The following NXPE2 variants were observed in gnomAD, a reference collection of about 807,000 sequenced individuals.
The protein encoded by NXPE2 is NXPE family member 2.
In NXPE2, 34 loss-of-function variants were observed where a neutral mutation model predicts 34.4. The observed-to-expected ratio is 0.99, with a 90% CI of 0.75 to 1.31. The LOEUF is 1.31. Among genes scored for constraint, NXPE2 ranks in the 40% most tolerant of loss-of-function variants. NXPE2 has a pLI of 0.00. For synonymous variants in NXPE2, 235 were observed against 231.3 expected, an observed-to-expected ratio of 1.02 and a Z score of -0.15; for missense variants, 649 against 672.5, an observed-to-expected ratio of 0.97 and a Z score of 0.39.
chr11:114,725,976 A>AAT, the NXPE2 span, among the ~76,000 whole-genome samples: 19 of 101,756 alleles, frequency 1.9e-4, 1 homozygote, highest in South Asian at 2.3e-3. Context: ...ATAAAAAAAA[A>AAT]ATATATATAT....
the NXPE2 span, among the ~76,000 whole-genome samples, chr11:114,516,021 T>A: frequency 1.3e-5 from 2 of 152,196 alleles, no homozygotes; most frequent in Non-Finnish European, 2.9e-5. Context: ...TATGTTCCTT[T>A]TACAGATTAG....
At chr11:114,700,600 G>A (rs1397360136) in intron 3 of NXPE2, among the ~76,000 whole-genome samples, 1 of 152,050 alleles carries the variant, frequency 6.6e-6, no homozygotes, top group African/African-American at 2.4e-5. Flanking sequence ...AGTCATTCAG[G>A]GCCAGTATTT....
the NXPE2 span, among the ~76,000 whole-genome samples, chr11:114,511,250 G>A: frequency 0.047 from 7,115 of 152,246 alleles, 567 homozygotes; most frequent in African/African-American, 0.16. Flanking sequence ...AAGTCACTGG[G>A]TGGGGCTTCC....
chr11:114,698,376 A>G lies in NXPE2; in HGVS notation c.464A>G (p.Tyr155Cys), dbSNP rs1340206242. 3 of 1,613,906 alleles carry G rather than the reference A, an allele frequency of 1.9e-6. No individual in the cohort carries two copies. The highest frequency in any genetic ancestry group is 2.2e-5 in the East Asian group (1 of 44,866). Residue 155 changes from tyrosine (Y) to cysteine (C), a missense_variant, in exon 3 of 6, where the codon TAC (tyrosine) becomes TGC (cysteine). By Grantham distance (194) the Tyr-to-Cys change is radical. Transcript: ENST00000389586. Reference sequence around the variant, plus strand: ...GGGGATTTCCTGAGGGCCAGGATGTACTCCACAGCACTAATGGCAGGTGCT... The same window carrying G: ...GGGGATTTCCTGAGGGCCAGGATGTGCTCCACAGCACTAATGGCAGGTGCT... The part of the protein sequence containing the change: ...YGGDFLRARM[Y>C]STALMAGASG...
At chr11:114,571,614 G>C in the NXPE2 span, 1 of 812,828 alleles carries the variant, frequency 1.2e-6, no homozygotes. Context: ...ATGAGGGGAT[G>C]TTTTTGAAAA....
chr11:114,635,336 GTTGC>G, the NXPE2 span, among the ~76,000 whole-genome samples: 1 of 150,302 alleles, frequency 6.7e-6, no homozygotes, highest in Non-Finnish European at 1.5e-5. Flanking sequence ...CTTTGCTGAA[GTTGC>G]TTATCAGCTT....
the NXPE2 span, among the ~76,000 whole-genome samples, chr11:114,467,293 A>G: frequency 6.6e-6 from 1 of 152,204 alleles, no homozygotes; most frequent in Non-Finnish European, 1.5e-5. Context: ...TTTAGTTCCT[A>G]CCAGGAGTTC....
chr11:114,604,902 G>A, the NXPE2 span, among the ~76,000 whole-genome samples: 39 of 151,762 alleles, frequency 2.6e-4, no homozygotes, highest in East Asian at 4.5e-3. Context: ...ACTGTTACCC[G>A]GTGGATAATT....
chr11:114,632,906 AATATT>A, the NXPE2 span, among the ~76,000 whole-genome samples: 47 of 89,184 alleles, frequency 5.3e-4, no homozygotes, highest in African/African-American at 2.2e-3. Context: ...TATGTAATAC[AATATT>A]ATATTTTATA....
chr11:114,724,889 GGT>G, the NXPE2 span, among the ~76,000 whole-genome samples: 1 of 82,706 alleles, frequency 1.2e-5, no homozygotes, highest in Non-Finnish European at 2.3e-5. Flanking sequence ...CTTCAGAAAT[GGT>G]TTTTTTTTTT....
At chr11:114,762,241 A>G in the NXPE2 span, among the ~76,000 whole-genome samples, 1 of 152,054 alleles carries the variant, frequency 6.6e-6, no homozygotes, top group Non-Finnish European at 1.5e-5. Context: ...TGGGGTACCT[A>G]TGCATGCTTG....
chr11:114,639,447 C>T, the NXPE2 span, among the ~76,000 whole-genome samples: 22 of 151,798 alleles, frequency 1.4e-4, no homozygotes, highest in African/African-American at 4.3e-4. Context: ...TGCTCTGCTT[C>T]GGCTCATGCA....
chr11:114,540,885 T>TTTTG, the NXPE2 span, among the ~76,000 whole-genome samples: 1 of 81,290 alleles, frequency 1.2e-5, no homozygotes, highest in Admixed American at 1.3e-4. Context: ...TTTTTTTTTT[T>TTTTG]GGCTTGAACA....
chr11:114,616,475 T>C, the NXPE2 span, among the ~76,000 whole-genome samples: 1 of 151,692 alleles, frequency 6.6e-6, no homozygotes, highest in Non-Finnish European at 1.5e-5. Context: ...ATAATAAGTG[T>C]TGCCTCGAGG....
downstream of NXPE2, among the ~76,000 whole-genome samples, chr11:114,707,733 A>G (rs760579539): frequency 6.6e-6 from 1 of 152,118 alleles, no homozygotes; most frequent in African/African-American, 2.4e-5. Context: ...CCGCCATTGT[A>G]TTTTCTGTCC....
At chr11:114,580,037 A>C in the NXPE2 span, 1 of 1,106,310 alleles carries the variant, frequency 9.0e-7, no homozygotes, top group Non-Finnish European at 1.3e-6. Context: ...GAAGAATATG[A>C]AAAAAAGAGG....
At chr11:114,479,891 C>T in the NXPE2 span, among the ~76,000 whole-genome samples, 5 of 152,082 alleles carry the variant, frequency 3.3e-5, no homozygotes, top group Non-Finnish European at 5.9e-5. Flanking sequence ...CCGCTTCTGA[C>T]GAGGGGGTCA....
the NXPE2 span, among the ~76,000 whole-genome samples, chr11:114,520,424 T>A: frequency 6.6e-6 from 1 of 152,224 alleles, no homozygotes; most frequent in Non-Finnish European, 1.5e-5. Flanking sequence ...GGTTCACCCA[T>A]GTTATTGCAA....
At chr11:114,530,894 T>C in the NXPE2 span, 1 of 1,609,356 alleles carries the variant, frequency 6.2e-7, no homozygotes, top group Non-Finnish European at 8.5e-7. Flanking sequence ...TGGATAAGTT[T>C]AGAGCAGACC....
Sources: gnomAD v4.1 joint callset for allele counts (sites outside exome capture counted in the v4.1 genomes callset) on GRCh38, gnomAD v4.1.1 for gene constraint, MANE v1.5 for transcripts, NCBI Gene and HGNC (gene_info 2026-07-23, HGNC 2026-07-21) for gene names.